KCNQ5: variants seen among roughly 807,000 people sequenced by gnomAD.
KCNQ5 encodes potassium voltage-gated channel subfamily Q member 5.
In KCNQ5, 30 loss-of-function variants were observed where a neutral mutation model predicts 98.2. That is an observed-to-expected ratio of 0.31 (90% CI 0.23 to 0.41). KCNQ5 has a LOEUF of 0.41. KCNQ5 is among the 10% of genes least tolerant of loss of function. KCNQ5 has a pLI of 1.00. For synonymous variants in KCNQ5, 458 were observed against 449.4 expected (o/e 1.02, Z -0.24); for missense variants, 835 against 1,182.5 (o/e 0.71, Z 4.31).
intron 11 of KCNQ5, 44 bp from the exon 12 acceptor site, chr6:73,190,529 T>C: frequency 9.5e-7 from 1 of 1,050,912 alleles, no homozygotes; most frequent in South Asian, 2.6e-5. Flanking sequence ...GTAACTTATA[T>C]TAACAGAGTT....
intron 9 of KCNQ5, among the ~76,000 whole-genome samples, chr6:73,130,760 TAA>T (rs1776201425): frequency 6.6e-6 from 1 of 152,194 alleles, no homozygotes; most frequent in South Asian, 2.1e-4. Flanking sequence ...AGAAAAATAA[TAA>T]AGTGAGCTTT....
intron 7 of KCNQ5, among the ~76,000 whole-genome samples, chr6:73,115,213 G>A (rs763059232): frequency 1.3e-5 from 2 of 151,940 alleles, no homozygotes; most frequent in Non-Finnish European, 2.9e-5. Flanking sequence ...AAAACAGAAG[G>A]TAAGATAAAG....
rs148546253 is a variant in KCNQ5, at chr6:73,052,919, G to A, written c.616+10857G>A. 1.1e-3 allele frequency among the ~76,000 whole-genome samples: 169 copies of A among 152,172 alleles called. 2 individuals are homozygous for A. Among genetic ancestry groups the A allele is most frequent in the East Asian group, 0.011 (57 of 5,174 alleles). ...TCAATATTAACCTTAAATGTAAATG[G>A]GCTAAATGCCCAATTAAAAGGCACA... On this transcript the variant is annotated intron_variant, in intron 3 of 13. Transcript: ENST00000370398.
At chr6:72,820,336 T>C (rs1344110933) in intron 1 of KCNQ5, among the ~76,000 whole-genome samples, 1 of 152,116 alleles carries the variant, frequency 6.6e-6, no homozygotes, top group East Asian at 1.9e-4. Flanking sequence ...TGAACTGGGA[T>C]TCAAGCTCAG....
In KCNQ5 at chr6:72,966,294, C is replaced by T. The variant is rs553842461; in HGVS notation, c.399-37614C>T. Among the ~76,000 whole-genome samples the T allele has an allele frequency of 2.0e-3, 298 of 152,184 alleles. 2 individuals are homozygous for T. The highest frequency in any genetic ancestry group is 2.0e-3 in the Non-Finnish European group (139 of 68,018). On this transcript the variant is annotated intron_variant, in intron 1 of 13. Transcript: ENST00000370398. ...GAAAAGCAGGCTAGGTGTGGTGGCTCATGCCTGTAATCCCAGAACTTTGGG... is the reference window on the plus strand; with the variant it reads ...GAAAAGCAGGCTAGGTGTGGTGGCTTATGCCTGTAATCCCAGAACTTTGGG...
chr6:73,063,725 A>T (rs1341291375), intron 3 of KCNQ5, among the ~76,000 whole-genome samples: 1 of 106,918 alleles, frequency 9.4e-6, no homozygotes, highest in Non-Finnish European at 1.9e-5. Context: ...GATAGATGAT[A>T]GATAGATAGA....
chr6:72,698,985 A>G (rs1768660451), intron 1 of KCNQ5, among the ~76,000 whole-genome samples: 1 of 152,112 alleles, frequency 6.6e-6, no homozygotes, highest in African/African-American at 2.4e-5. Context: ...AGGATTTATT[A>G]TACTTTAAAA....
chr6:73,104,299 C>T (rs895017728), intron 5 of KCNQ5, among the ~76,000 whole-genome samples: 1 of 152,102 alleles, frequency 6.6e-6, no homozygotes, highest in Non-Finnish European at 1.5e-5. Flanking sequence ...CATTTCTATA[C>T]ATTAACAACA....
At chr6:73,105,169 T>C (rs1774951480) in intron 5 of KCNQ5, 88 bp from the exon 6 acceptor site, 4 of 621,162 alleles carry the variant, frequency 6.4e-6, no homozygotes, top group Admixed American at 2.7e-5. Flanking sequence ...AATAATGATT[T>C]AGTGGAAACG....
At chr6:72,632,021 T>C (rs1459185774) in intron 1 of KCNQ5, among the ~76,000 whole-genome samples, 3 of 152,216 alleles carry the variant, frequency 2.0e-5, no homozygotes, top group African/African-American at 7.2e-5. Flanking sequence ...TCTGAGTTAA[T>C]GGCAGAACAG....
chr6:72,762,602 C>T (rs769768079), intron 1 of KCNQ5, among the ~76,000 whole-genome samples: 46 of 151,966 alleles, frequency 3.0e-4, no homozygotes, highest in Admixed American at 5.9e-4. Context: ...TGTAGTATGG[C>T]CAAAAATGTG....
At chr6:73,181,397 C>T (rs1408165868) in intron 11 of KCNQ5, among the ~76,000 whole-genome samples, 3 of 152,222 alleles carry the variant, frequency 2.0e-5, no homozygotes, top group East Asian at 1.9e-4. Flanking sequence ...GTAACTTATT[C>T]CTCAGCCTTT....
chr6:72,644,304 A>G lies in KCNQ5; in HGVS notation c.398+21717A>G, dbSNP rs550996371. 2.0e-5 allele frequency among the ~76,000 whole-genome samples: 3 copies of G among 152,298 alleles called. No individual in the cohort carries two copies. The South Asian group carries it at 6.2e-4, about 32-fold the overall frequency. ...TAATATATATTGTTGATTCATTAAC[A>G]CTGAACTCACAGTTTGTAAGTCATA... On this transcript the variant is annotated intron_variant, in intron 1 of 13. Coordinates refer to ENST00000370398, the MANE Select transcript of KCNQ5 (RefSeq NM_019842.4).
chr6:72,756,871 A>G (rs182799715), intron 1 of KCNQ5, among the ~76,000 whole-genome samples: 134 of 152,254 alleles, frequency 8.8e-4, no homozygotes, highest in African/African-American at 3.1e-3. Flanking sequence ...ATCGAAGTAA[A>G]TGCATTAAAA....
rs892873529 is a variant in KCNQ5, at chr6:72,850,149, T to C, written c.399-153759T>C. ...GCTTATTTAGAAGAATAAGTTTGTATGAGTTCTAGGAAGGCACATTGTCAG... is the reference window on the plus strand; with the variant it reads ...GCTTATTTAGAAGAATAAGTTTGTACGAGTTCTAGGAAGGCACATTGTCAG... On this transcript the variant is annotated intron_variant, in intron 1 of 13. Coordinates refer to ENST00000370398, the MANE Select transcript of KCNQ5 (RefSeq NM_019842.4). Among the ~76,000 whole-genome samples the C allele has an allele frequency of 5.3e-5, 8 of 152,176 alleles. No homozygotes were observed. The South Asian group carries it at 1.7e-3, about 32-fold the overall frequency.
chr6:72,783,349 G>A (rs571790405), intron 1 of KCNQ5, among the ~76,000 whole-genome samples: 14 of 152,072 alleles, frequency 9.2e-5, no homozygotes, highest in Admixed American at 2.0e-4. Context: ...CTACATTTGC[G>A]TGTATATACA....
intron 1 of KCNQ5, among the ~76,000 whole-genome samples, chr6:72,890,001 C>G (rs1778997258): frequency 6.6e-6 from 1 of 152,142 alleles, no homozygotes; most frequent in African/African-American, 2.4e-5. Context: ...TTGGAAGGTG[C>G]CCAGCCTCCC....
At chr6:73,078,986 G>GTTCCTT (rs1236211244) in intron 5 of KCNQ5, among the ~76,000 whole-genome samples, 3 of 152,116 alleles carry the variant, frequency 2.0e-5, no homozygotes, top group Non-Finnish European at 4.4e-5. Context: ...TTCCTTTAAG[G>GTTCCTT]TATTCCAAAG....
chr6:72,800,213 C>T (rs1436711125), intron 1 of KCNQ5, among the ~76,000 whole-genome samples: 2 of 152,134 alleles, frequency 1.3e-5, no homozygotes, highest in Non-Finnish European at 2.9e-5. Context: ...GGTACCAGTT[C>T]CTCCTTGTAC....
Sources: allele counts gnomAD v4.1 joint callset (sites outside exome capture counted in the v4.1 genomes callset), GRCh38; gene constraint gnomAD v4.1.1; transcripts MANE v1.5; gene names NCBI Gene and HGNC (gene_info 2026-07-23, HGNC 2026-07-21).